R3HDM1: variants seen among roughly 807,000 people sequenced by gnomAD.
R3HDM1 encodes R3H domain-containing protein 1.
R3HDM1 carries 46 observed loss-of-function variants against 141.1 expected under a neutral mutation model. That is an observed-to-expected ratio of 0.33 (90% CI 0.26 to 0.42). The LOEUF (loss-of-function observed/expected upper bound fraction) is 0.42. Ranked by LOEUF, R3HDM1 falls within the 10% of genes least tolerant of loss-of-function variation. R3HDM1 has a pLI of 1.00. For synonymous variants in R3HDM1, 435 were observed against 472.9 expected (o/e 0.92, Z 1.04); for missense variants, 1,184 against 1,368.3 (o/e 0.87, Z 2.12).
At chr2:135,567,952 C>T (rs1243053695) in intron 1 of R3HDM1, among the ~76,000 whole-genome samples, 2 of 125,498 alleles carry the variant, frequency 1.6e-5, no homozygotes, top group Non-Finnish European at 1.6e-5. Flanking sequence ...GGATCTTACT[C>T]TTTTGACCAG....
chr2:135,666,918 C>G (rs1220810719), intron 19 of R3HDM1: 1 of 160,948 alleles, frequency 6.2e-6, no homozygotes, highest in African/African-American at 6.3e-5. Context: ...AATGGCTCAT[C>G]TTTAAAAAAA....
At chr2:135,714,790 C>CACACAG (rs1553639153) in intron 23 of R3HDM1, among the ~76,000 whole-genome samples, 4 of 151,620 alleles carry the variant, frequency 2.6e-5, no homozygotes, top group African/African-American at 7.3e-5. Flanking sequence ...CACACACACA[C>CACACAG]AGAGAAAGCA....
At chr2:135,656,939 C>CA (rs889196227) in intron 18 of R3HDM1, among the ~76,000 whole-genome samples, 48 of 146,324 alleles carry the variant, frequency 3.3e-4, no homozygotes, top group Admixed American at 7.5e-4. Context: ...ACTAAAAATA[C>CA]AAAAAAAAAA....
rs114826573 is a variant in R3HDM1, at chr2:135,570,031, G to A, written c.-249-32469G>A. Among the ~76,000 whole-genome samples, 1,495 of 152,174 alleles carry A rather than the reference G, an allele frequency of 9.8e-3. 23 individuals carry two copies. The highest frequency in any genetic ancestry group is 0.034 in the African/African-American group (1,426 of 41,524). ...GTGAGCCACCATGCCCGGCCAGTAA[G>A]CTCTTTTTAAGTGTTAACTCTTGAT... On this transcript the variant is annotated intron_variant, in intron 1 of 26. Transcript: ENST00000683871.
At chr2:135,600,462 A>G (rs957317146) in intron 1 of R3HDM1, among the ~76,000 whole-genome samples, 6 of 152,182 alleles carry the variant, frequency 3.9e-5, no homozygotes, top group African/African-American at 1.4e-4. Context: ...CTGCCCTGGG[A>G]GAGAGGCTGT....
intron 1 of R3HDM1, among the ~76,000 whole-genome samples, chr2:135,560,777 A>G (rs1441623755): frequency 6.6e-6 from 1 of 152,168 alleles, no homozygotes; most frequent in African/African-American, 2.4e-5. Context: ...GTCCCGTTGC[A>G]CTTAGGTGGT....
chr2:135,544,409 A>T (rs1360044441), intron 1 of R3HDM1, among the ~76,000 whole-genome samples: 1 of 152,232 alleles, frequency 6.6e-6, no homozygotes. Flanking sequence ...AGTAGTCTCA[A>T]CATGAAAACT....
chr2:135,641,924 A>G (rs996959682), intron 15 of R3HDM1, 134 bp downstream of exon 15: 20 of 1,128,578 alleles, frequency 1.8e-5, no homozygotes, highest in Non-Finnish European at 1.2e-6. Context: ...ACTTTATAAC[A>G]AAAACACTTA....
At chr2:135,698,052 CAAAAAAAAA>C (rs1193995693) in intron 21 of R3HDM1, among the ~76,000 whole-genome samples, 1 of 72,934 alleles carries the variant, frequency 1.4e-5, no homozygotes, top group Admixed American at 1.4e-4. Context: ...AACTCTGTCT[CAAAAAAAAA>C]AAAAAAAAAA....
intron 7 of R3HDM1, among the ~76,000 whole-genome samples, chr2:135,628,590 G>C (rs954376228): frequency 6.6e-6 from 1 of 152,144 alleles, no homozygotes; most frequent in Non-Finnish European, 1.5e-5. Context: ...ACTGTTTTAT[G>C]AACTCCAAAT....
intron 1 of R3HDM1, among the ~76,000 whole-genome samples, chr2:135,538,511 C>G (rs1317619790): frequency 1.3e-5 from 2 of 152,076 alleles, no homozygotes; most frequent in Non-Finnish European, 2.9e-5. Flanking sequence ...AGTTTTGACC[C>G]TTTTTTAGTA....
chr2:135,581,543 T>A (rs1010604587), intron 1 of R3HDM1: 1 of 424,906 alleles, frequency 2.4e-6, no homozygotes, highest in Non-Finnish European at 3.1e-6. Flanking sequence ...CTATGACATG[T>A]TAAGTTGAAG....
Position 135,650,194 on chromosome 2 carries a change from A to C in R3HDM1, c.1725+191A>C, listed in dbSNP as rs2065001501. On this transcript the variant is annotated intron_variant, in intron 17 of 26. Transcript: ENST00000683871. ...CATAAAATATTGGTTATAGTGGCTT[A>C]TTATGGTGATTGTTTAACCTTTTCC... 6 of 969,268 alleles carry C rather than the reference A, an allele frequency of 6.2e-6. No individual in the cohort carries two copies. The South Asian group carries it at 2.9e-4, about 46-fold the overall frequency. The allele number at this position is 969,268 out of a possible 1,614,324, so 60.0% of individuals were successfully genotyped here.
chr2:135,693,961 G>A (rs569382719), intron 21 of R3HDM1, among the ~76,000 whole-genome samples: 4 of 152,058 alleles, frequency 2.6e-5, no homozygotes, highest in African/African-American at 4.8e-5. Context: ...CCAAGATCAC[G>A]CCATTGCACT....
chr2:135,689,974 A>G (rs578013261), intron 21 of R3HDM1, among the ~76,000 whole-genome samples: 9 of 152,250 alleles, frequency 5.9e-5, no homozygotes, highest in East Asian at 1.9e-4. Context: ...TCTTTGATCT[A>G]TATTCTCAAA....
chr2:135,541,490 G>C (rs1000313294), intron 1 of R3HDM1, among the ~76,000 whole-genome samples: 1 of 152,148 alleles, frequency 6.6e-6, no homozygotes, highest in Admixed American at 6.5e-5. Context: ...TTACAGGCGT[G>C]AGCCACCGTG....
intron 1 of R3HDM1, among the ~76,000 whole-genome samples, chr2:135,564,919 T>C (rs1327468951): frequency 1.3e-5 from 2 of 152,230 alleles, no homozygotes; most frequent in African/African-American, 2.4e-5. Flanking sequence ...CTTTTTCTTA[T>C]TTTAACTAAA....
At chr2:135,698,624 G>A (rs2073650580) in intron 21 of R3HDM1, among the ~76,000 whole-genome samples, 2 of 152,168 alleles carry the variant, frequency 1.3e-5, no homozygotes, top group African/African-American at 4.8e-5. Context: ...CTGAGACTGA[G>A]TAATCTATAA....
chr2:135,624,607 A>G (rs550755175), intron 7 of R3HDM1, among the ~76,000 whole-genome samples: 1 of 152,282 alleles, frequency 6.6e-6, no homozygotes, highest in Non-Finnish European at 1.5e-5. Context: ...AACCACGAAA[A>G]ATTGTCTTGA....
Sources: allele counts gnomAD v4.1 joint callset (sites outside exome capture counted in the v4.1 genomes callset), GRCh38; gene constraint gnomAD v4.1.1; transcripts MANE v1.5; gene names NCBI Gene and HGNC (gene_info 2026-07-23, HGNC 2026-07-21).